FAM13C: variants seen among roughly 807,000 people sequenced by gnomAD.
FAM13C encodes the protein protein FAM13C.
FAM13C carries 37 observed loss-of-function variants against 73.2 expected under a neutral mutation model. That is an observed-to-expected ratio of 0.51 (90% CI 0.39 to 0.67). The LOEUF is 0.67. FAM13C is among the 30% of genes least tolerant of loss of function. The pLI, the probability that FAM13C is intolerant of heterozygous loss-of-function variation, is 0.00. For synonymous variants in FAM13C, 246 were observed against 260.9 expected (o/e 0.94, Z 0.55); for missense variants, 589 against 715.6 (o/e 0.82, Z 2.02).
At chr10:59,266,555 C>T (rs960695352) in intron 8 of FAM13C, among the ~76,000 whole-genome samples, 1 of 152,178 alleles carries the variant, frequency 6.6e-6, no homozygotes, top group African/African-American at 2.4e-5. Flanking sequence ...TTCCTGAGAC[C>T]TGTGAGGTTC....
chr10:59,360,853 GAAAAAAAA>G (rs10615623), intron 1 of FAM13C, among the ~76,000 whole-genome samples: 3 of 57,992 alleles, frequency 5.2e-5, no homozygotes, highest in African/African-American at 1.5e-4. Context: ...AACCTCTACA[GAAAAAAAA>G]AAAAAAAAAA....
chr10:59,312,343 C>G (rs1221149924), intron 4 of FAM13C, among the ~76,000 whole-genome samples: 1 of 152,184 alleles, frequency 6.6e-6, no homozygotes, highest in Admixed American at 6.5e-5. Context: ...GTTCCCTATT[C>G]AAGATTTTCT....
In FAM13C at chr10:59,265,335, G is replaced by GGGA. The variant is rs78422182; in HGVS notation, c.943-1170_943-1169insTCC. Among the ~76,000 whole-genome samples the GGGA allele has an allele frequency of 0.027, 428 of 16,052 alleles. 161 individuals carry two copies. In the East Asian group the frequency reaches 0.37, roughly 14 times the overall value. 10.5% of individuals were successfully genotyped at this position (16,052 alleles called of 152,430 possible). A position where few individuals can be genotyped will look rare whatever the true frequency, so the allele number is the denominator to read the frequency against. ...AAGGGGTTTTGGCGGGGGGGGGGGGGAATCCTGGTTTCAGGACCATGGACA... is the reference window on the plus strand; with the variant it reads ...AAGGGGTTTTGGCGGGGGGGGGGGGGGGAAATCCTGGTTTCAGGACCATGGACA... On this transcript the variant is annotated intron_variant, in intron 8 of 13. Coordinates refer to ENST00000618804, the MANE Select transcript of FAM13C (RefSeq NM_198215.4).
chr10:59,252,940 G>T lies in FAM13C; in HGVS notation c.1391C>A (p.Ala464Glu), dbSNP rs756157846. 3 of 1,613,982 alleles carry T rather than the reference G, an allele frequency of 1.9e-6. No homozygotes were observed. The highest frequency in any genetic ancestry group is 2.2e-5 in the East Asian group (1 of 44,890). ...AACAGGAAGGTGAGATGCTGGATCT[G>T]CCAAAGAAGGTTGTTGGCTTCCCTG... Reference protein sequence around the residue: ...RPQGSQQPSLADPASHLPVGD... With the variant: ...RPQGSQQPSLEDPASHLPVGD... The change falls in exon 12 of 14, where the codon GCA (alanine) becomes GAA (glutamate). Residue 464 changes from alanine (A) to glutamate (E), a missense_variant. Physicochemically the swap from Ala to Glu is moderately radical, Grantham distance 107 (BLOSUM62 -1). Coordinates refer to ENST00000618804, the MANE Select transcript of FAM13C (RefSeq NM_198215.4).
intron 6 of FAM13C, among the ~76,000 whole-genome samples, chr10:59,279,919 C>T (rs1844745911): frequency 6.6e-6 from 1 of 152,170 alleles, no homozygotes; most frequent in Non-Finnish European, 1.5e-5. Flanking sequence ...GCCTGGTCAA[C>T]TTCTGATAAG....
intron 6 of FAM13C, 24 bp downstream of exon 6, chr10:59,283,339 A>G: frequency 6.2e-7 from 1 of 1,612,734 alleles, no homozygotes; most frequent in East Asian, 2.2e-5. Context: ...ACAATTTGGG[A>G]CAACCCCCAG....
At chr10:59,268,523 C>A (rs372903744) in intron 8 of FAM13C, 30 bp downstream of exon 8, 1 of 1,611,386 alleles carries the variant, frequency 6.2e-7, no homozygotes. Flanking sequence ...CTGACCAATC[C>A]GCTCCTATGT....
chr10:59,274,936 C>CT (rs1261465809), intron 6 of FAM13C, among the ~76,000 whole-genome samples: 1 of 152,006 alleles, frequency 6.6e-6, no homozygotes, highest in Non-Finnish European at 1.5e-5. Context: ...CAGAAGTGCC[C>CT]TCTAGGGATA....
At chr10:59,255,633 T>A (rs1486069364) in intron 10 of FAM13C, among the ~76,000 whole-genome samples, 1 of 152,112 alleles carries the variant, frequency 6.6e-6, no homozygotes, top group Non-Finnish European at 1.5e-5. Flanking sequence ...CAGGCATCTT[T>A]TATCAAAGTA....
chr10:59,289,548 T>A (rs1195921286), intron 5 of FAM13C, among the ~76,000 whole-genome samples: 2 of 152,210 alleles, frequency 1.3e-5, no homozygotes, highest in Non-Finnish European at 2.9e-5. Flanking sequence ...TGCACTAGGC[T>A]CTGCAGTATG....
intron 4 of FAM13C, among the ~76,000 whole-genome samples, chr10:59,322,615 T>C (rs1048784544): frequency 1.1e-4 from 17 of 152,376 alleles, no homozygotes; most frequent in African/African-American, 3.1e-4. Flanking sequence ...GTTAAATATC[T>C]ACCCCTACAG....
chr10:59,354,430 C>T (rs113328408), intron 2 of FAM13C, among the ~76,000 whole-genome samples: 187 of 152,238 alleles, frequency 1.2e-3, no homozygotes, highest in African/African-American at 4.1e-3. Context: ...CACTACTTAT[C>T]GGAATAAATC....
intron 6 of FAM13C, among the ~76,000 whole-genome samples, chr10:59,281,327 C>T (rs1377397323): frequency 6.6e-6 from 1 of 152,162 alleles, no homozygotes; most frequent in Non-Finnish European, 1.5e-5. Flanking sequence ...CATGGTCTTC[C>T]TGTAAGAGTG....
chr10:59,292,812 C>T (rs949910206), intron 5 of FAM13C, among the ~76,000 whole-genome samples: 1 of 152,146 alleles, frequency 6.6e-6, no homozygotes, highest in Non-Finnish European at 1.5e-5. Flanking sequence ...TTATTCACTA[C>T]CTCAAATATT....
At chr10:59,327,320 C>T (rs1851289965) in intron 3 of FAM13C, among the ~76,000 whole-genome samples, 1 of 152,162 alleles carries the variant, frequency 6.6e-6, no homozygotes, top group South Asian at 2.1e-4. Flanking sequence ...TGCCAGCTGT[C>T]ATTTATTCAT....
intron 3 of FAM13C, among the ~76,000 whole-genome samples, chr10:59,327,049 A>G (rs1024164694): frequency 6.6e-6 from 1 of 152,198 alleles, no homozygotes; most frequent in African/African-American, 2.4e-5. Flanking sequence ...AGAAACGTTC[A>G]AAAATGAGAA....
chr10:59,265,036 T>C (rs774215462), intron 8 of FAM13C, among the ~76,000 whole-genome samples: 5 of 151,898 alleles, frequency 3.3e-5, no homozygotes, highest in Non-Finnish European at 1.5e-5. Context: ...ACTAAATCCA[T>C]GTAACAATGG....
chr10:59,278,032 C>T (rs1307297997), intron 6 of FAM13C, among the ~76,000 whole-genome samples: 1 of 152,196 alleles, frequency 6.6e-6, no homozygotes, highest in Non-Finnish European at 1.5e-5. Flanking sequence ...CTGTGGAAGC[C>T]TAACATTCAT....
chr10:59,351,256 C>T (rs190435752), intron 3 of FAM13C, among the ~76,000 whole-genome samples: 39 of 149,836 alleles, frequency 2.6e-4, no homozygotes, highest in Admixed American at 2.4e-3. Flanking sequence ...TCACTTGAAC[C>T]CGGCGGTGGA....
Sources: gnomAD v4.1 joint callset for allele counts (sites outside exome capture counted in the v4.1 genomes callset) on GRCh38, gnomAD v4.1.1 for gene constraint, MANE v1.5 for transcripts, NCBI Gene and HGNC (gene_info 2026-07-23, HGNC 2026-07-21) for gene names.